CCSER1: variants seen among roughly 807,000 people sequenced by gnomAD.
The protein encoded by CCSER1 is coiled-coil serine rich protein 1, also known as serine-rich coiled-coil domain-containing protein 1.
Under a neutral mutation model 82.0 loss-of-function variants are expected in CCSER1, and 41 were observed. That is an observed-to-expected ratio of 0.50 (90% CI 0.39 to 0.65). The LOEUF is 0.65. Ranked by LOEUF, CCSER1 falls within the 30% of genes least tolerant of loss-of-function variation. The probability of loss-of-function intolerance (pLI) is 0.00; values close to 1 mark genes in which losing one functional copy is unlikely to be tolerated. For missense variants in CCSER1, 1,119 were observed against 1,064.2 expected, an observed-to-expected ratio of 1.05 and a Z score of -0.72; for synonymous variants, 414 against 383.9, an observed-to-expected ratio of 1.08 and a Z score of -0.92.
chr4:90,556,719 C>A (rs1778184277), intron 5 of CCSER1, among the ~76,000 whole-genome samples: 1 of 151,434 alleles, frequency 6.6e-6, no homozygotes, highest in Admixed American at 6.6e-5. Flanking sequence ...TAAAGGTTTT[C>A]TTGTGGTTTA....
intron 10 of CCSER1, among the ~76,000 whole-genome samples, chr4:91,581,621 T>C (rs996214564): frequency 3.3e-5 from 5 of 151,756 alleles, no homozygotes; most frequent in South Asian, 4.1e-4. Flanking sequence ...TTAACCTGAA[T>C]TGTGAATTAA....
intron 10 of CCSER1, among the ~76,000 whole-genome samples, chr4:91,152,581 T>C (rs181738428): frequency 3.3e-5 from 5 of 152,362 alleles, no homozygotes; most frequent in Admixed American, 3.3e-4. Flanking sequence ...CTGGTCATTT[T>C]GCTCATTAGT....
chr4:91,343,149 A>G (rs1012947589), intron 10 of CCSER1, among the ~76,000 whole-genome samples: 1 of 152,076 alleles, frequency 6.6e-6, no homozygotes, highest in Non-Finnish European at 1.5e-5. Flanking sequence ...AATAATAAAG[A>G]TTAACAGTTT....
chr4:90,899,629 T>C (rs1180687763), intron 8 of CCSER1, among the ~76,000 whole-genome samples: 1 of 152,108 alleles, frequency 6.6e-6, no homozygotes, highest in Admixed American at 6.6e-5. Flanking sequence ...GTTTATTTGA[T>C]GCCTAGATTG....
intron 9 of CCSER1, among the ~76,000 whole-genome samples, chr4:90,937,609 T>C (rs1468400655): frequency 6.6e-6 from 1 of 152,092 alleles, no homozygotes; most frequent in East Asian, 1.9e-4. Flanking sequence ...ATTTATGCAA[T>C]TAGAACACCT....
chr4:90,557,285 A>T (rs1256070120), intron 5 of CCSER1, among the ~76,000 whole-genome samples: 1 of 152,088 alleles, frequency 6.6e-6, no homozygotes, highest in Non-Finnish European at 1.5e-5. Context: ...TTATCTTGGA[A>T]TCAGAATAAT....
intron 10 of CCSER1, among the ~76,000 whole-genome samples, chr4:91,365,840 C>T (rs1172080803): frequency 1.3e-5 from 2 of 152,128 alleles, no homozygotes; most frequent in Non-Finnish European, 2.9e-5. Context: ...ATGTTTTGGA[C>T]ATGAATGCAT....
chr4:91,536,207 A>G (rs560412754), intron 10 of CCSER1, among the ~76,000 whole-genome samples: 1 of 152,282 alleles, frequency 6.6e-6, no homozygotes, highest in South Asian at 2.1e-4. Context: ...CTACTCATGC[A>G]TAACACAAAA....
intron 8 of CCSER1, among the ~76,000 whole-genome samples, chr4:90,907,384 C>G (rs942285345): frequency 7.3e-6 from 1 of 136,392 alleles, no homozygotes; most frequent in African/African-American, 2.5e-5. Context: ...ATGTTTGGGA[C>G]TTGATGTGTT....
At chr4:90,465,522 A>G (rs1187955697) in intron 4 of CCSER1, among the ~76,000 whole-genome samples, 1 of 152,036 alleles carries the variant, frequency 6.6e-6, no homozygotes, top group East Asian at 1.9e-4. Context: ...GGGTTTCACT[A>G]TCAGTTTTTA....
At chr4:90,413,966 AAAAAAAAAAAAAAAAATAT>A (rs1755357171) in intron 4 of CCSER1, among the ~76,000 whole-genome samples, 1 of 114,618 alleles carries the variant, frequency 8.7e-6, no homozygotes, top group African/African-American at 4.1e-5. Context: ...AAAAAAAAAA[AAAAAAAAAAAAAAAAATAT>A]ATATATATAT....
At chr4:90,369,940 A>G (rs557662262) in intron 3 of CCSER1, among the ~76,000 whole-genome samples, 3 of 152,120 alleles carry the variant, frequency 2.0e-5, no homozygotes, top group African/African-American at 4.8e-5. Flanking sequence ...TTCAAAGAAT[A>G]TAATAGTATT....
chr4:90,389,140 A>G (rs189752825), intron 3 of CCSER1, among the ~76,000 whole-genome samples: 14 of 152,350 alleles, frequency 9.2e-5, no homozygotes, highest in Non-Finnish European at 1.9e-4. Context: ...CACTGGTTTA[A>G]CAAGTTAATG....
chr4:90,276,202 C>CTTTCTT (rs1727533980), intron 1 of CCSER1, among the ~76,000 whole-genome samples: 1 of 46,332 alleles, frequency 2.2e-5, no homozygotes, highest in East Asian at 6.4e-4. Context: ...TTCTTTCTTT[C>CTTTCTT]TTTCTTTCTT....
chr4:91,208,862 ATTTG>A (rs1335955285), intron 10 of CCSER1, among the ~76,000 whole-genome samples: 2 of 151,980 alleles, frequency 1.3e-5, no homozygotes, highest in South Asian at 2.1e-4. Flanking sequence ...ATGTTTTTCC[ATTTG>A]TTTGTGTCAT....
In CCSER1 at chr4:90,200,061, G is replaced by GACACACACACACACACACAC. The variant is rs71596519; in HGVS notation, c.-42+72243_-42+72262dup. Among the ~76,000 whole-genome samples the GACACACACACACACACACAC allele has an allele frequency of 7.0e-4, 102 of 144,952 alleles. 2 individuals carry two copies. The East Asian group carries it at 9.3e-3, about 13-fold the overall frequency. On this transcript the variant is annotated intron_variant, in intron 1 of 10. Coordinates refer to ENST00000509176, the MANE Select transcript of CCSER1 (RefSeq NM_001145065.2). ...CCACTCCCTGACATGCGTGCACGCAGACACACACACACACACACACACACA... is the reference window on the plus strand; with the variant it reads ...CCACTCCCTGACATGCGTGCACGCAGACACACACACACACACACACACACACACACACACACACACACACA...
At chr4:91,466,283 G>A (rs964891355) in intron 10 of CCSER1, among the ~76,000 whole-genome samples, 2 of 152,008 alleles carry the variant, frequency 1.3e-5, no homozygotes, top group Non-Finnish European at 2.9e-5. Flanking sequence ...TGAAGAAAAG[G>A]CCTTTGACAA....
intron 10 of CCSER1, among the ~76,000 whole-genome samples, chr4:91,331,089 A>G (rs541846370): frequency 6.6e-6 from 1 of 152,210 alleles, no homozygotes; most frequent in South Asian, 2.1e-4. Flanking sequence ...CTTGAAATGT[A>G]TCCTTCAAGA....
At chr4:90,174,162 A>G (rs1732244090) in intron 1 of CCSER1, among the ~76,000 whole-genome samples, 1 of 151,914 alleles carries the variant, frequency 6.6e-6, no homozygotes, top group Non-Finnish European at 1.5e-5. Flanking sequence ...TATTAGAAGG[A>G]TTATGATCTG....
Sources: allele counts gnomAD v4.1 joint callset (sites outside exome capture counted in the v4.1 genomes callset), GRCh38; gene constraint gnomAD v4.1.1; transcripts MANE v1.5; gene names NCBI Gene and HGNC (gene_info 2026-07-23, HGNC 2026-07-21).